The following RPUSD2 variants were observed in gnomAD, a reference collection of about 807,000 sequenced individuals.
The protein encoded by RPUSD2 is RNA pseudouridine synthase domain containing 2, also known as pseudouridylate synthase RPUSD2.
A neutral mutation model predicts 41.5 loss-of-function variants in RPUSD2; 31 were observed. The ratio of observed to expected loss-of-function variants is 0.75; its 90% CI spans 0.56 to 1.01. RPUSD2 has a LOEUF of 1.01. Among genes scored for constraint, RPUSD2 ranks in the 50% least tolerant of loss-of-function variants. The pLI is 0.00. For synonymous variants in RPUSD2, 305 were observed against 289.7 expected, an observed-to-expected ratio of 1.05 and a Z score of -0.54; for missense variants, 749 against 724.7, an observed-to-expected ratio of 1.03 and a Z score of -0.38.
chr15:40,569,513 C>T lies in RPUSD2; in HGVS notation c.176C>T (p.Ala59Val), dbSNP rs1891086162. 2 of 1,545,710 alleles carry T rather than the reference C, an allele frequency of 1.3e-6. No individual in the cohort carries two copies. The highest frequency in any genetic ancestry group is 1.4e-5 in the African/African-American group (1 of 72,544). ...GCTTCGCATCAGCAAAACGGTGACG[C>T]TGGTGGCGACGCGAAGGTTGAGCTG... ...LRASHQQNGD[A>V]GGDAKVELSP... Residue 59 changes from alanine to valine, a missense_variant, in exon 1 of 3, where the codon GCT becomes GTT. By Grantham distance (64) the Ala-to-Val change is moderately conservative. Coordinates refer to ENST00000315616, the MANE Select transcript of RPUSD2 (RefSeq NM_152260.3).
chr15:40,572,683 G>C (rs1266866758), intron 2 of RPUSD2, among the ~76,000 whole-genome samples: 1 of 152,144 alleles, frequency 6.6e-6, no homozygotes, highest in South Asian at 2.1e-4. Flanking sequence ...AGTGAGCCAT[G>C]AGCATGTCAC....
chr15:40,571,298 T>G (rs7168913), intron 1 of RPUSD2, among the ~76,000 whole-genome samples: 134,286 of 152,296 alleles, frequency 0.88, 59,563 homozygotes, highest in Non-Finnish European at 0.93. Context: ...TTTTACCTTT[T>G]AAATACCTTT....
At chr15:40,571,044 G>A (rs991329091) in intron 1 of RPUSD2, among the ~76,000 whole-genome samples, 24 of 151,320 alleles carry the variant, frequency 1.6e-4, no homozygotes, top group African/African-American at 5.1e-4. Context: ...CCAGGCTGGC[G>A]TGTAGTGGCG....
rs750982103 is a variant in RPUSD2, at chr15:40,571,812, G to A, written c.815G>A (p.Arg272Gln). 7 of 1,614,226 alleles carry A rather than the reference G, an allele frequency of 4.3e-6. No individual in the cohort carries two copies. The highest frequency in any genetic ancestry group is 2.2e-5 in the South Asian group (2 of 91,088). Reference protein sequence around the residue: ...HQLKELHPLHRLDRLTSGVLM... With the variant: ...HQLKELHPLHQLDRLTSGVLM... ...CTCAAGGAGCTACACCCCTTGCATC[G>A]GCTTGACCGCCTTACCTCAGGGGTG... Residue 272 changes from arginine (R) to glutamine (Q), a missense_variant, in exon 2 of 3, where the codon CGG becomes CAG. Coordinates refer to ENST00000315616, the MANE Select transcript of RPUSD2 (RefSeq NM_152260.3).
chr15:40,571,875 T>C lies in RPUSD2; in HGVS notation c.878T>C (p.Ile293Thr). 6.2e-7 allele frequency: 1 copy of C among 1,613,964 alleles called. No individual in the cohort carries two copies. Among genetic ancestry groups the C allele is most frequent in the Non-Finnish European group, 8.5e-7 (1 of 1,179,848 alleles). ...AAGACAGCTGCAGTCTCTGAGAGAA[T>C]TCACGAGCAGGTTCGGGACCGGCAG... is the stretch of plus-strand genomic sequence containing the variant. ...FAKTAAVSER[I>T]HEQVRDRQLE... The change falls in exon 2 of 3, where the codon ATT (isoleucine) becomes ACT (threonine). Residue 293 changes from isoleucine (I) to threonine (T), a missense_variant. Physicochemically the swap from Ile to Thr is moderately conservative, Grantham distance 89. Transcript: ENST00000315616.
Position 40,571,885 on chromosome 15 carries a change from G to T in RPUSD2, c.888G>T (p.Gln296His), listed in dbSNP as rs756965906. 1 of 1,613,474 alleles carries T rather than the reference G, an allele frequency of 6.2e-7. No individual in the cohort carries two copies. Among genetic ancestry groups the T allele is most frequent in the Admixed American group, 1.7e-5 (1 of 60,014 alleles). Residue 296 changes from glutamine to histidine, a missense_variant, in exon 2 of 3, where the codon CAG (glutamine) becomes CAT (histidine). By Grantham distance (24) the Gln-to-His change is conservative (BLOSUM62 0). Transcript: ENST00000315616. ...CAGTCTCTGAGAGAATTCACGAGCA[G>T]GTTCGGGACCGGCAGGTGAGTCAGG... ...TAAVSERIHE[Q>H]VRDRQLEKEY...
At chr15:40,570,069 C>T in intron 1 of RPUSD2, 126 bp downstream of exon 1, 1 of 1,281,882 alleles carries the variant, frequency 7.8e-7, no homozygotes, top group Non-Finnish European at 1.0e-6. Context: ...AATTCTAAAG[C>T]GTTCTCGCTT....
At chr15:40,572,156 C>G (rs1891155726) in intron 2 of RPUSD2, among the ~76,000 whole-genome samples, 1 of 151,926 alleles carries the variant, frequency 6.6e-6, no homozygotes, top group Non-Finnish European at 1.5e-5. Flanking sequence ...GCTGACAAGG[C>G]CAGGCTCACA....
In RPUSD2 at chr15:40,569,397, G is replaced by T; in HGVS notation, c.60G>T (p.Arg20Ser). 1.3e-6 allele frequency: 2 copies of T among 1,528,576 alleles called. No individual in the cohort carries two copies. The highest frequency in any genetic ancestry group is 1.7e-6 in the Non-Finnish European group (2 of 1,144,474). 94.7% of individuals were successfully genotyped at this position (1,528,576 alleles called of 1,614,324 possible). Residue 20 changes from arginine (R) to serine (S), a missense_variant, in exon 1 of 3, where the codon AGG becomes AGT. Coordinates refer to ENST00000315616, the MANE Select transcript of RPUSD2 (RefSeq NM_152260.3). ...RVLGHWRYDL[R>S]RPSFTRTWSG... ...TTGGACATTGGCGCTACGACCTTAG[G>T]CGCCCTAGCTTTACCAGGACTTGGA... is the stretch of plus-strand genomic sequence containing the variant.
Position 40,574,229 on chromosome 15 carries a change from G to C in RPUSD2, c.1606G>C (p.Ala536Pro), listed in dbSNP as rs1406749650. ...PGFEYFSPMPAWAQDDWQKD is the reference protein window; with the variant it reads ...PGFEYFSPMPPWAQDDWQKD ...CTTTGAGTACTTTTCACCAATGCCT[G>C]CCTGGGCACAGGATGACTGGCAAAA... Residue 536 changes from alanine (A) to proline (P), a missense_variant, in exon 3 of 3, where the codon GCC becomes CCC. Physicochemically the swap from Ala to Pro is conservative, Grantham distance 27. Transcript: ENST00000315616. 6.2e-7 allele frequency: 1 copy of C among 1,612,686 alleles called. No homozygotes were observed. The highest frequency in any genetic ancestry group is 1.1e-5 in the South Asian group (1 of 90,994).
rs186276911 is a variant in RPUSD2, at chr15:40,573,642, G to C, written c.1019G>C (p.Arg340Pro). ...GTAGGGGTGTGCCGTGTAGATCCCC[G>C]GGGCAAGCCCTGTGAGACAGTGTTC... is the stretch of plus-strand genomic sequence containing the variant. ...YKVGVCRVDP[R>P]GKPCETVFQR... Residue 340 changes from arginine (R) to proline (P), a missense_variant, in exon 3 of 3, where the codon CGG becomes CCG. Coordinates refer to ENST00000315616, the MANE Select transcript of RPUSD2 (RefSeq NM_152260.3). The C allele has an allele frequency of 6.2e-6, 10 of 1,605,926 alleles. No homozygotes were observed. The highest frequency in any genetic ancestry group is 2.2e-5 in the East Asian group (1 of 44,576).
At chr15:40,572,161 C>T (rs115132268) in intron 2 of RPUSD2, among the ~76,000 whole-genome samples, 1,690 of 152,018 alleles carry the variant, frequency 0.011, 30 homozygotes, top group African/African-American at 0.039. Flanking sequence ...CAAGGCCAGG[C>T]TCACACCTGT....
Position 40,569,324 on chromosome 15 carries a change from G to C in RPUSD2, c.-14G>C. 4 of 1,451,010 alleles carry C rather than the reference G, an allele frequency of 2.8e-6. No homozygotes were observed. Among genetic ancestry groups the C allele is most frequent in the East Asian group, 2.5e-5 (1 of 39,706 alleles). The allele number at this position is 1,451,010 out of a possible 1,614,324, so 89.9% of individuals were successfully genotyped here. On this transcript the variant is annotated 5_prime_UTR_variant, in exon 1 of 3. Transcript: ENST00000315616. ...AGATCGCGACCCTGGGAGTGGAGTG[G>C]GGGCAGCGTGGTTATGTGGCTGGAC...
In RPUSD2 at chr15:40,574,578, C is replaced by G. The variant is rs1595902497; in HGVS notation, c.*317C>G. 1 of 202,898 alleles carries G rather than the reference C, an allele frequency of 4.9e-6. No individual in the cohort carries two copies. The highest frequency in any genetic ancestry group is 1.0e-5 in the Non-Finnish European group (1 of 99,906). The allele number at this position is 202,898 out of a possible 1,614,324, so 12.6% of individuals were successfully genotyped here. On this transcript the variant is annotated 3_prime_UTR_variant, in exon 3 of 3. Coordinates refer to ENST00000315616, the MANE Select transcript of RPUSD2 (RefSeq NM_152260.3). ...GTGGCTCATGGCTATAATCCTAGTACTTTGGGAGGTAGAAGTGAAAGGATC... is the reference window on the plus strand; with the variant it reads ...GTGGCTCATGGCTATAATCCTAGTAGTTTGGGAGGTAGAAGTGAAAGGATC...
In RPUSD2 at chr15:40,569,360, G is replaced by A; in HGVS notation, c.23G>A (p.Trp8Ter). 4 of 1,481,826 alleles carry A rather than the reference G, an allele frequency of 2.7e-6. No homozygotes were observed. Among genetic ancestry groups the A allele is most frequent in the Non-Finnish European group, 3.6e-6 (4 of 1,117,478 alleles). The allele number at this position is 1,481,826 out of a possible 1,614,324, so 91.8% of individuals were successfully genotyped here. ...GTTATGTGGCTGGACCGCCGCGGAT[G>A]GCTCAGGGTTCTTGGACATTGGCGC... MWLDRRG[W>*]LRVLGHWRYD... The change falls in exon 1 of 3, where the codon TGG becomes TAG. Residue 8 changes from tryptophan (W) to a stop codon, truncating the protein, a stop_gained. Coordinates refer to ENST00000315616, the MANE Select transcript of RPUSD2 (RefSeq NM_152260.3). LOFTEE classifies it high-confidence loss of function.
chr15:40,573,058 C>T (rs1891176667), intron 2 of RPUSD2, among the ~76,000 whole-genome samples: 1 of 108,406 alleles, frequency 9.2e-6, no homozygotes, highest in African/African-American at 3.6e-5. Flanking sequence ...GAGTTTCGCT[C>T]TTGTTGCCCA....
chr15:40,570,595 A>G (rs890811041), intron 1 of RPUSD2, among the ~76,000 whole-genome samples: 54 of 152,200 alleles, frequency 3.5e-4, no homozygotes, highest in African/African-American at 4.8e-5. Context: ...GAGGTACCAG[A>G]CACCCCTGTC....
At chr15:40,570,488 C>G (rs1175821411) in intron 1 of RPUSD2, among the ~76,000 whole-genome samples, 1 of 152,202 alleles carries the variant, frequency 6.6e-6, no homozygotes, top group Admixed American at 6.5e-5. Context: ...ATAACTACTA[C>G]TTAAACTATT....
chr15:40,571,698 T>C lies in RPUSD2; in HGVS notation c.701T>C (p.Val234Ala), dbSNP rs75896206. 1 of 1,614,216 alleles carries C rather than the reference T, an allele frequency of 6.2e-7. No individual in the cohort carries two copies. The change falls in exon 2 of 3, where the codon GTT becomes GCT. Residue 234 changes from valine to alanine, a missense_variant. Coordinates refer to ENST00000315616, the MANE Select transcript of RPUSD2 (RefSeq NM_152260.3). ...CTAGCTGAGAACGAAGATGTGGTGG[T>C]TGTAGACAAGCCTTCCTCCATTCCC... is the stretch of plus-strand genomic sequence containing the variant. ...RLLAENEDVV[V>A]VDKPSSIPVH...
Sources: allele counts gnomAD v4.1 joint callset (sites outside exome capture counted in the v4.1 genomes callset), GRCh38; gene constraint gnomAD v4.1.1; transcripts MANE v1.5; gene names NCBI Gene and HGNC (gene_info 2026-07-23, HGNC 2026-07-21).